Variants in DPF3 observed in about 807,000 individuals in gnomAD.
The protein encoded by DPF3 is zinc finger protein DPF3.
Under a neutral mutation model 56.8 loss-of-function variants are expected in DPF3, and 18 were observed. The observed-to-expected ratio is 0.32, with a 90% CI of 0.22 to 0.47. The LOEUF is 0.47. Ranked by LOEUF, DPF3 falls within the 20% of genes least tolerant of loss-of-function variation. The pLI is 1.00. For missense variants in DPF3, 403 were observed against 488.8 expected (o/e 0.82, Z 1.65); for synonymous variants, 188 against 180.2 (o/e 1.04, Z -0.35).
intron 2 of DPF3, among the ~76,000 whole-genome samples, chr14:72,771,120 T>C (rs1346253605): frequency 6.6e-6 from 1 of 150,606 alleles, no homozygotes; most frequent in Non-Finnish European, 1.5e-5. Context: ...TGAGTCGAGA[T>C]CGCACCACTG....
chr14:72,649,250 C>T (rs1250602799), intron 8 of DPF3, among the ~76,000 whole-genome samples: 1 of 152,126 alleles, frequency 6.6e-6, no homozygotes, highest in African/African-American at 2.4e-5. Context: ...GGAAAATCCT[C>T]ATCCCAAGGG....
At chr14:72,695,217 C>G (rs908113939) in intron 6 of DPF3, among the ~76,000 whole-genome samples, 4 of 152,194 alleles carry the variant, frequency 2.6e-5, no homozygotes, top group Non-Finnish European at 5.9e-5. Flanking sequence ...CAGTACTTAT[C>G]TTGCAGGATG....
In DPF3 at chr14:72,610,812, A is replaced by G. The variant is rs1883678941; in HGVS notation, c.*8485T>C. Among the ~76,000 whole-genome samples, 1 of 152,200 alleles carries G rather than the reference A, an allele frequency of 6.6e-6. No individual in the cohort carries two copies. Among genetic ancestry groups the G allele is most frequent in the African/African-American group, 2.4e-5 (1 of 41,460 alleles). ...GGGACCTGAGGGCTCAGGGCCCACCACTGGCTGCCTGGGGGAAGTGCTGCC... is the reference window on the plus strand; with the variant it reads ...GGGACCTGAGGGCTCAGGGCCCACCGCTGGCTGCCTGGGGGAAGTGCTGCC... On this transcript the variant is annotated 3_prime_UTR_variant, in exon 11 of 11. Coordinates refer to ENST00000556509, the MANE Select transcript of DPF3 (RefSeq NM_001280542.3).
chr14:72,687,010 T>C (rs1248915678), intron 7 of DPF3, among the ~76,000 whole-genome samples: 1 of 152,258 alleles, frequency 6.6e-6, no homozygotes. Flanking sequence ...AGTGTGGCAA[T>C]GACATCATAT....
intron 7 of DPF3, among the ~76,000 whole-genome samples, chr14:72,690,902 C>G (rs937098533): frequency 5.9e-5 from 9 of 152,216 alleles, no homozygotes; most frequent in Admixed American, 3.3e-4. Flanking sequence ...AAAGGAGATT[C>G]TTCTCAGCCT....
At chr14:72,813,632 T>C (rs1180733338) in intron 1 of DPF3, among the ~76,000 whole-genome samples, 1 of 152,226 alleles carries the variant, frequency 6.6e-6, no homozygotes, top group Non-Finnish European at 1.5e-5. Context: ...AGAGATAGTG[T>C]TGCAGGGGCC....
chr14:72,720,807 A>T (rs979886098), intron 5 of DPF3, among the ~76,000 whole-genome samples: 2 of 152,208 alleles, frequency 1.3e-5, no homozygotes, highest in East Asian at 3.8e-4. Context: ...AGCTTGTGGA[A>T]ATGAAAGAAG....
intron 1 of DPF3, among the ~76,000 whole-genome samples, chr14:72,874,823 C>T (rs574737037): frequency 2.0e-5 from 3 of 152,352 alleles, no homozygotes; most frequent in African/African-American, 7.2e-5. Flanking sequence ...TGCCCAGTTC[C>T]AAAGTCACTT....
At chr14:72,769,110 T>C (rs1165285557) in intron 2 of DPF3, among the ~76,000 whole-genome samples, 1 of 152,190 alleles carries the variant, frequency 6.6e-6, no homozygotes, top group Admixed American at 6.5e-5. Context: ...CATAATTTCA[T>C]AATGTATTTT....
At chr14:72,873,948 G>A (rs1886006151) in intron 1 of DPF3, among the ~76,000 whole-genome samples, 1 of 151,678 alleles carries the variant, frequency 6.6e-6, no homozygotes, top group Non-Finnish European at 1.5e-5. Flanking sequence ...GGGAGGGATA[G>A]CATTAGGAGA....
At chr14:72,626,456 G>C (rs1884834651) in intron 9 of DPF3, among the ~76,000 whole-genome samples, 2 of 151,794 alleles carry the variant, frequency 1.3e-5, no homozygotes, top group South Asian at 4.2e-4. Flanking sequence ...ATTTTACTTT[G>C]CTTTTTTACT....
intron 1 of DPF3, among the ~76,000 whole-genome samples, chr14:72,847,571 G>A (rs1884809063): frequency 1.3e-5 from 2 of 152,026 alleles, no homozygotes; most frequent in Non-Finnish European, 2.9e-5. Context: ...GAGTGCAGTG[G>A]CTCAATCTGG....
At chr14:72,745,207 T>C (rs1890277779) in intron 3 of DPF3, among the ~76,000 whole-genome samples, 1 of 152,214 alleles carries the variant, frequency 6.6e-6, no homozygotes, top group African/African-American at 2.4e-5. Context: ...GGACAAATTA[T>C]CGTTCTTCAG....
chr14:72,882,774 CT>C (rs1886368144), intron 1 of DPF3, among the ~76,000 whole-genome samples: 2 of 152,194 alleles, frequency 1.3e-5, no homozygotes, highest in Admixed American at 1.3e-4. Context: ...TGCCCTCCCC[CT>C]ATCACCAGCA....
intron 3 of DPF3, among the ~76,000 whole-genome samples, chr14:72,748,967 T>C (rs536845220): frequency 6.6e-6 from 1 of 152,286 alleles, no homozygotes; most frequent in Admixed American, 6.5e-5. Flanking sequence ...GAAAGGGAAA[T>C]GTCGGGTGGG....
At position 72,836,475 on chromosome 14, in the gene DPF3, C is replaced by A. The variant is rs141931564; in HGVS notation, c.32+57582G>T. The A allele has an allele frequency of 2.0e-5, 20 of 985,550 alleles. No homozygotes were observed. The East Asian group carries it at 2.3e-3, about 112-fold the overall frequency. The allele number at this position is 985,550 out of a possible 1,614,324, so 61.1% of individuals were successfully genotyped here. A position where few individuals can be genotyped will look rare whatever the true frequency, so the allele number is the denominator to read the frequency against. On this transcript the variant is annotated intron_variant, in intron 1 of 10. Coordinates refer to ENST00000556509, the MANE Select transcript of DPF3 (RefSeq NM_001280542.3). Reference sequence around the variant, plus strand: ...CTGCCTGCCCTGAAGGGAGAAGGAGCGCAATGAAACTAGGTCTTCCCTTGG... The same window carrying A: ...CTGCCTGCCCTGAAGGGAGAAGGAGAGCAATGAAACTAGGTCTTCCCTTGG...
At chr14:72,750,816 A>AAAG in intron 3 of DPF3, among the ~76,000 whole-genome samples, 1 of 149,092 alleles carries the variant, frequency 6.7e-6, no homozygotes, top group Non-Finnish European at 1.5e-5. Context: ...AAAAAAAAAA[A>AAAG]ACCTGCTACC....
Position 72,619,401 on chromosome 14 carries a change from C to T in DPF3, c.1067-34G>A, listed in dbSNP as rs1469756635. ...AATGAGACGGCTTTAGTAGCAGCCC[C>T]TCTGCTAACTCTGGAGCCCCACCCC... is the stretch of plus-strand genomic sequence containing the variant. On this transcript the variant is annotated intron_variant, in intron 10 of 10. Coordinates refer to ENST00000556509, the MANE Select transcript of DPF3 (RefSeq NM_001280542.3). 2.0e-6 allele frequency: 3 copies of T among 1,530,960 alleles called. No homozygotes were observed. The South Asian group carries it at 3.6e-5, about 18-fold the overall frequency. 94.8% of individuals were successfully genotyped at this position (1,530,960 alleles called of 1,614,324 possible).
chr14:72,708,172 C>A (rs767846368), intron 6 of DPF3, among the ~76,000 whole-genome samples: 9 of 152,100 alleles, frequency 5.9e-5, no homozygotes, highest in Non-Finnish European at 1.0e-4. Context: ...AAGATGCGAG[C>A]CCTGGAGGAG....
Sources: allele counts gnomAD v4.1 joint callset (sites outside exome capture counted in the v4.1 genomes callset), GRCh38; gene constraint gnomAD v4.1.1; transcripts MANE v1.5; gene names NCBI Gene and HGNC (gene_info 2026-07-23, HGNC 2026-07-21).